The following ADGRL3 variants were observed in gnomAD, a reference collection of about 807,000 sequenced individuals.
ADGRL3 encodes calcium-independent alpha-latrotoxin receptor 3.
A neutral mutation model predicts 153.5 loss-of-function variants in ADGRL3; 62 were observed. The observed-to-expected ratio is 0.40, with a 90% CI of 0.33 to 0.50. The LOEUF (loss-of-function observed/expected upper bound fraction) is 0.50, where lower values mean the gene tolerates loss of function less well. Ranked by LOEUF, ADGRL3 falls within the 20% of genes least tolerant of loss-of-function variation. The probability of loss-of-function intolerance (pLI) is 0.47; values close to 1 mark genes in which losing one functional copy is unlikely to be tolerated. For missense variants in ADGRL3, 1,641 were observed against 1,859.4 expected (o/e 0.88, Z 2.16); for synonymous variants, 710 against 672.5 (o/e 1.06, Z -0.86).
chr4:61,265,362 A>G (rs998406806), intron 1 of ADGRL3, among the ~76,000 whole-genome samples: 2 of 151,880 alleles, frequency 1.3e-5, no homozygotes, highest in African/African-American at 4.8e-5. Flanking sequence ...CCCATGCTCC[A>G]TGAGAGCTGC....
At chr4:62,012,179 G>T (rs1390425015) in intron 21 of ADGRL3, among the ~76,000 whole-genome samples, 2 of 152,122 alleles carry the variant, frequency 1.3e-5, no homozygotes, top group Non-Finnish European at 2.9e-5. Context: ...GTGAAACTTT[G>T]TGAGGCATTG....
intron 21 of ADGRL3, among the ~76,000 whole-genome samples, chr4:62,022,007 A>C (rs1231754233): frequency 6.6e-6 from 1 of 152,220 alleles, no homozygotes; most frequent in Non-Finnish European, 1.5e-5. Context: ...AGAAACCATT[A>C]AGCTTAGTGA....
At position 61,622,444 on chromosome 4, in the gene ADGRL3, C is replaced by T. The variant is rs182223548; in HGVS notation, c.473+35004C>T. Among the ~76,000 whole-genome samples the T allele has an allele frequency of 9.2e-4, 140 of 152,160 alleles. 2 individuals are homozygous for T. The highest frequency in any genetic ancestry group is 3.3e-3 in the African/African-American group (136 of 41,520). ...TAATTTAACATTCTCATCATTGCCT[C>T]CCATTTTTCCAAATATTTTCTTATC... On this transcript the variant is annotated intron_variant, in intron 5 of 26. Coordinates refer to ENST00000683033, the MANE Select transcript of ADGRL3 (RefSeq NM_001387552.1).
In ADGRL3 at chr4:61,742,929, G is replaced by A. The variant is rs1302205053; in HGVS notation, c.1399+9375G>A. ...ACTTTTTGCATCTATTTATACTAGC[G>A]AAGATACAAATCAAAATTAGCCAGT... On this transcript the variant is annotated intron_variant, in intron 8 of 26. Coordinates refer to ENST00000683033, the MANE Select transcript of ADGRL3 (RefSeq NM_001387552.1). Among the ~76,000 whole-genome samples the A allele has an allele frequency of 5.3e-5, 8 of 151,890 alleles. 1 individual carries two copies. The South Asian group carries it at 8.3e-4, about 16-fold the overall frequency.
chr4:61,446,883 T>C (rs2097589048), intron 2 of ADGRL3, among the ~76,000 whole-genome samples: 1 of 152,146 alleles, frequency 6.6e-6, no homozygotes, highest in African/African-American at 2.4e-5. Context: ...AAAAGGTAGG[T>C]GCCAAATTTC....
intron 11 of ADGRL3, among the ~76,000 whole-genome samples, chr4:61,896,177 A>C (rs928672941): frequency 6.6e-6 from 1 of 152,166 alleles, no homozygotes; most frequent in Non-Finnish European, 1.5e-5. Flanking sequence ...AAATAATTAT[A>C]ATTTTTCAAA....
At chr4:62,055,398 C>T (rs1736458875) in intron 25 of ADGRL3, among the ~76,000 whole-genome samples, 2 of 151,604 alleles carry the variant, frequency 1.3e-5, no homozygotes, top group Non-Finnish European at 3.0e-5. Flanking sequence ...ATCTCCAAAC[C>T]ATTTGAATGA....
intron 4 of ADGRL3, among the ~76,000 whole-genome samples, chr4:61,575,934 A>G (rs1256963202): frequency 1.3e-5 from 2 of 151,986 alleles, no homozygotes; most frequent in East Asian, 3.9e-4. Flanking sequence ...ATTAACCCCA[A>G]TGGTATATTT....
chr4:61,671,533 A>G (rs943835948), intron 5 of ADGRL3, among the ~76,000 whole-genome samples: 3 of 152,234 alleles, frequency 2.0e-5, no homozygotes, highest in African/African-American at 7.2e-5. Flanking sequence ...TTAAAATTGC[A>G]TATCTTTTTG....
At chr4:61,299,284 G>A (rs1043371027) in intron 1 of ADGRL3, among the ~76,000 whole-genome samples, 3 of 152,104 alleles carry the variant, frequency 2.0e-5, no homozygotes, top group Non-Finnish European at 4.4e-5. Flanking sequence ...TCATAGTGAG[G>A]CTGTGTCAGG....
chr4:61,702,841 A>T (rs1314186836), intron 6 of ADGRL3, among the ~76,000 whole-genome samples: 2 of 152,126 alleles, frequency 1.3e-5, no homozygotes, highest in African/African-American at 4.8e-5. Flanking sequence ...ATCACGATTA[A>T]CTTTGTCAGA....
At chr4:61,528,486 C>G (rs2098589647) in intron 4 of ADGRL3, among the ~76,000 whole-genome samples, 2 of 152,056 alleles carry the variant, frequency 1.3e-5, no homozygotes, top group South Asian at 4.2e-4. Flanking sequence ...AAGGTACTCA[C>G]AATTGTTGAA....
At chr4:61,515,220 G>A (rs1252912058) in intron 3 of ADGRL3, among the ~76,000 whole-genome samples, 1 of 151,994 alleles carries the variant, frequency 6.6e-6, no homozygotes, top group Admixed American at 6.6e-5. Flanking sequence ...ACACACCAAG[G>A]GATTTTAGCC....
In ADGRL3 at chr4:61,932,034, CAT is replaced by C. The variant is rs942865922; in HGVS notation, c.2113-2796_2113-2795del. On this transcript the variant is annotated intron_variant, in intron 13 of 26. Coordinates refer to ENST00000683033, the MANE Select transcript of ADGRL3 (RefSeq NM_001387552.1). ...ACACACGTACACACACATATACATTCATATATATATACACATACACATACATA... is the reference window on the plus strand; with the variant it reads ...ACACACGTACACACACATATACATTCATATATATACACATACACATACATA... Among the ~76,000 whole-genome samples, 23 of 151,726 alleles carry C rather than the reference CAT, an allele frequency of 1.5e-4. No homozygotes were observed. In the East Asian group the frequency reaches 2.5e-3, roughly 17 times the overall value.
chr4:61,354,574 CTGTGTGTG>C, intron 1 of ADGRL3, among the ~76,000 whole-genome samples: 1 of 148,388 alleles, frequency 6.7e-6, no homozygotes, highest in East Asian at 2.0e-4. Context: ...AAGACTTTGT[CTGTGTGTG>C]TGTGTGTGTG....
intron 6 of ADGRL3, chr4:61,677,386 AAGG>A (rs776949302): frequency 7.1e-6 from 3 of 423,364 alleles, no homozygotes; most frequent in South Asian, 1.8e-5. Context: ...ATTCATCCAG[AAGG>A]AGTAGACCAG....
At chr4:61,348,838 G>GT (rs2095981146) in intron 1 of ADGRL3, among the ~76,000 whole-genome samples, 1 of 151,864 alleles carries the variant, frequency 6.6e-6, no homozygotes, top group Non-Finnish European at 1.5e-5. Context: ...ATTTCTTTGT[G>GT]TTTTACTGCA....
intron 8 of ADGRL3, among the ~76,000 whole-genome samples, chr4:61,797,150 T>G (rs535164731): frequency 6.6e-6 from 1 of 152,192 alleles, no homozygotes. Context: ...GAGACTTTCC[T>G]TCTTTCAGTT....
At chr4:61,389,852 A>T (rs981281567) in intron 2 of ADGRL3, among the ~76,000 whole-genome samples, 16 of 152,196 alleles carry the variant, frequency 1.1e-4, no homozygotes, top group Non-Finnish European at 7.3e-5. Context: ...CTACATAAAG[A>T]TAAGTCTGGC....
Sources: allele counts gnomAD v4.1 joint callset (sites outside exome capture counted in the v4.1 genomes callset), GRCh38; gene constraint gnomAD v4.1.1; transcripts MANE v1.5; gene names NCBI Gene and HGNC (gene_info 2026-07-23, HGNC 2026-07-21).